AATK: variants seen among roughly 807,000 people sequenced by gnomAD.
AATK encodes the protein serine/threonine-protein kinase LMTK1.
In AATK, 91 loss-of-function variants were observed where a neutral mutation model predicts 114.3. The observed-to-expected ratio is 0.80, with a 90% CI of 0.67 to 0.95. AATK has a LOEUF of 0.95. Ranked by LOEUF, AATK falls within the 40% of genes least tolerant of loss-of-function variation. The pLI, the probability that AATK is intolerant of heterozygous loss-of-function variation, is 0.00. For missense variants in AATK, 2,176 were observed against 1,965.2 expected, an observed-to-expected ratio of 1.11 and a Z score of -2.03; for synonymous variants, 1,075 against 916.5, an observed-to-expected ratio of 1.17 and a Z score of -3.12.
Position 81,121,690 on chromosome 17 carries a change from C to T in AATK, c.2246G>A (p.Cys749Tyr), listed in dbSNP as rs2060701491. 1.3e-6 allele frequency: 2 copies of T among 1,499,532 alleles called. No individual in the cohort carries two copies. The highest frequency in any genetic ancestry group is 4.8e-5 in the East Asian group (2 of 41,546). 92.9% of individuals were successfully genotyped at this position (1,499,532 alleles called of 1,614,324 possible). ...AGCAGGTGCCAGGCCCTGGGCAGAG[C>T]ATAGATGAGGGAGGCCGGGGCAGCA... The part of the protein sequence containing the change: ...PGCCPGLPHL[C>Y]SAQGLAPAPC... The change falls in exon 11 of 14, where the codon TGC (cysteine) becomes TAC (tyrosine). Residue 749 changes from cysteine to tyrosine, a missense_variant. Transcript: ENST00000326724.
Position 81,122,352 on chromosome 17 carries a change from G to A in AATK, c.1584C>T (p.Ser528=), listed in dbSNP as rs1195448987. The A allele has an allele frequency of 1.5e-5, 22 of 1,510,026 alleles. No homozygotes were observed. Among genetic ancestry groups the A allele is most frequent in the Non-Finnish European group, 1.8e-5 (20 of 1,133,622 alleles). 93.5% of individuals were successfully genotyped at this position (1,510,026 alleles called of 1,614,324 possible). The change falls in exon 11 of 14, where the codon AGC becomes AGT. Residue 528 remains serine (S), a synonymous_variant. Transcript: ENST00000326724. ...VLSAHSPSLG[S]EYFIRLEEAA... ...CCTCCTCTAGGCGGATGAAGTACTC[G>A]CTGCCCAGCGACGGGCTGTGCGCGC...
rs1352899506 is a variant in AATK, at chr17:81,118,307, A to G, written c.*95T>C. The G allele has an allele frequency of 7.5e-7, 1 of 1,340,014 alleles. No individual in the cohort carries two copies. The highest frequency in any genetic ancestry group is 1.0e-6 in the Non-Finnish European group (1 of 968,482). The allele number at this position is 1,340,014 out of a possible 1,614,324, so 83.0% of individuals were successfully genotyped here. ...CCTGAATCTGCTGCCAACAGCCACC[A>G]GGACGTGGTCCCCACCTTCTCGGTC... On this transcript the variant is annotated 3_prime_UTR_variant, in exon 14 of 14. Coordinates refer to ENST00000326724, the MANE Select transcript of AATK (RefSeq NM_001080395.3).
chr17:81,125,978 G>T (rs553968504), intron 7 of AATK: 2 of 476,886 alleles, frequency 4.2e-6, no homozygotes, highest in East Asian at 6.8e-5. Flanking sequence ...TGGGGCTGAC[G>T]GGGCCACGTG....
intron 1 of AATK, among the ~76,000 whole-genome samples, chr17:81,143,495 GTGT>G (rs1189826266): frequency 6.7e-5 from 3 of 44,518 alleles, no homozygotes; most frequent in South Asian, 1.2e-3. Context: ...CCTGCCTCCC[GTGT>G]CCACGCAGCC....
rs755839232 is a variant in AATK, at chr17:81,120,532, C to A, written c.3404G>T (p.Gly1135Val). The A allele has an allele frequency of 3.4e-6, 5 of 1,483,646 alleles. No individual in the cohort carries two copies. In the Admixed American group the frequency reaches 7.6e-5, roughly 22 times the overall value. 91.9% of individuals were successfully genotyped at this position (1,483,646 alleles called of 1,614,324 possible). ...SGPAPQKRMG[G>V]PGTPRAPLRL... ...GAGTGGGGCTCTGGGGGTGCCTGGG[C>A]CCCCCATCCGCTTTTGTGGGGCCGG... The change falls in exon 11 of 14, where the codon GGC becomes GTC. Residue 1135 changes from glycine (G) to valine (V), a missense_variant. Coordinates refer to ENST00000326724, the MANE Select transcript of AATK (RefSeq NM_001080395.3).
At chr17:81,138,701 G>A (rs767953799) in intron 1 of AATK, among the ~76,000 whole-genome samples, 7 of 144,586 alleles carry the variant, frequency 4.8e-5, no homozygotes, top group Non-Finnish European at 1.1e-4. Context: ...ACCCAAGCAC[G>A]CAGATACCCA....
chr17:81,131,169 C>A lies in AATK; in HGVS notation c.226G>T (p.Asp76Tyr), dbSNP rs200778338. The change falls in exon 3 of 14, where the codon GAC becomes TAC. Residue 76 changes from aspartate (D) to tyrosine (Y), a missense_variant. Asp to Tyr is a radical substitution (Grantham distance 160). This residue lies in a region of AATK where 178 missense variants were observed against 175.4 expected (regional missense o/e 1.01). Transcript: ENST00000326724. ...GTGGCCGGGGAGCCCTGCGCCAGGT[C>A]GGCTGCGTACTCGTCCCCCTCCGCA... The part of the protein sequence containing the change: ...ENAEGDEYAA[D>Y]LAQGSPATAA... The A allele has an allele frequency of 6.3e-6, 10 of 1,579,946 alleles. No individual in the cohort carries two copies. The highest frequency in any genetic ancestry group is 1.8e-5 in the Admixed American group (1 of 56,414).
chr17:81,153,940 G>A (rs1246621784), intron 1 of AATK, among the ~76,000 whole-genome samples: 2 of 152,002 alleles, frequency 1.3e-5, no homozygotes, highest in African/African-American at 2.4e-5. Context: ...GCGTGGTGGC[G>A]GGCACCTGTA....
intron 1 of AATK, among the ~76,000 whole-genome samples, chr17:81,153,077 G>A: frequency 6.6e-6 from 1 of 152,116 alleles, no homozygotes; most frequent in Non-Finnish European, 1.5e-5. Context: ...CCCGACCTCA[G>A]GTGATCCGCC....
At chr17:81,123,475 T>G in intron 9 of AATK, 132 bp from the exon 10 acceptor site, 2 of 777,834 alleles carry the variant, frequency 2.6e-6, no homozygotes, top group Non-Finnish European at 3.5e-6. Context: ...CCTGGTACCA[T>G]ACCAGCCGCC....
rs533688031 is a variant in AATK at position 81,128,769 on chromosome 17, G to A, written c.335-220C>T. On this transcript the variant is annotated intron_variant, in intron 3 of 13. Transcript: ENST00000326724. ...AGCCACGGAGCTGCAGGATCCATCC[G>A]GGCATCTTTCTGGGTAGGTCTGGAG... The A allele has an allele frequency of 1.7e-5, 23 of 1,360,222 alleles. No homozygotes were observed. The East Asian group carries it at 2.4e-4, about 14-fold the overall frequency. 84.3% of individuals were successfully genotyped at this position (1,360,222 alleles called of 1,614,324 possible).
At chr17:81,157,729 A>C (rs1329322626) in intron 1 of AATK, among the ~76,000 whole-genome samples, 1 of 152,140 alleles carries the variant, frequency 6.6e-6, no homozygotes, top group Non-Finnish European at 1.5e-5. Context: ...CAAGGGTGGG[A>C]AGGGCACCTG....
intron 1 of AATK, among the ~76,000 whole-genome samples, chr17:81,136,567 C>T (rs576643020): frequency 4.6e-5 from 7 of 152,352 alleles, no homozygotes; most frequent in African/African-American, 1.2e-4. Context: ...GGTCCTTCCC[C>T]GCACTGAGGC....
intron 1 of AATK, among the ~76,000 whole-genome samples, chr17:81,151,505 C>G (rs569969341): frequency 6.6e-6 from 1 of 152,238 alleles, no homozygotes; most frequent in Non-Finnish European, 1.5e-5. Context: ...CCCCACGCGA[C>G]CCAGTTCTTC....
chr17:81,122,094 C>G lies in AATK; in HGVS notation c.1842G>C (p.Ala614=). ...LCPSRSPSPS[A]GPLSLAEGGA... ...CTCCCTCCGCCAGACTCAGGGGCCC[C>G]GCCGAGGGCGAGGGAGAGCGTGAGG... is the stretch of plus-strand genomic sequence containing the variant. Residue 614 remains alanine, a synonymous_variant, in exon 11 of 14, where the codon GCG becomes GCC. Coordinates refer to ENST00000326724, the MANE Select transcript of AATK (RefSeq NM_001080395.3). 6.3e-7 allele frequency: 1 copy of G among 1,576,508 alleles called. No homozygotes were observed. The highest frequency in any genetic ancestry group is 8.6e-7 in the Non-Finnish European group (1 of 1,167,874).
At chr17:81,159,188 G>A (rs1347358714) in intron 1 of AATK, among the ~76,000 whole-genome samples, 3 of 152,214 alleles carry the variant, frequency 2.0e-5, no homozygotes, top group South Asian at 2.1e-4. Flanking sequence ...ATTTGACACA[G>A]GTGGGTCCTT....
At chr17:81,128,590 C>T (rs749754058) in intron 3 of AATK, 41 bp from the exon 4 acceptor site, 63 of 1,547,416 alleles carry the variant, frequency 4.1e-5, no homozygotes, top group Non-Finnish European at 5.2e-5. Flanking sequence ...GTGTGGCCTC[C>T]GCACCCCCCA....
intron 4 of AATK, 27 bp downstream of exon 4, chr17:81,128,443 G>A: frequency 6.5e-7 from 1 of 1,548,062 alleles, no homozygotes; most frequent in Non-Finnish European, 8.7e-7. Flanking sequence ...CCAGGCGGGA[G>A]TCCTCCCTCC....
intron 3 of AATK, 22 bp downstream of exon 3, chr17:81,131,039 C>T: frequency 6.5e-7 from 1 of 1,545,374 alleles, no homozygotes; most frequent in Non-Finnish European, 8.7e-7. Flanking sequence ...GAGGCCACCC[C>T]ATCTCCCCAC....
Sources: allele counts gnomAD v4.1 joint callset (sites outside exome capture counted in the v4.1 genomes callset), GRCh38; gene constraint gnomAD v4.1.1; regional missense constraint gnomAD v4.1.1; transcripts MANE v1.5; gene names NCBI Gene and HGNC (gene_info 2026-07-23, HGNC 2026-07-21).